Variants in RNF111 observed in about 807,000 individuals in gnomAD.
RNF111 encodes the protein E3 ubiquitin-protein ligase Arkadia.
RNF111 carries 17 observed loss-of-function variants against 95.1 expected under a neutral mutation model. The observed-to-expected ratio is 0.18, with a 90% CI of 0.12 to 0.27. The LOEUF is 0.27. Ranked by LOEUF, RNF111 falls within the 10% of genes least tolerant of loss-of-function variation. The pLI, the probability that RNF111 is intolerant of heterozygous loss-of-function variation, is 1.00. For missense variants in RNF111, 1,189 were observed against 1,210.4 expected (o/e 0.98, Z 0.26); for synonymous variants, 440 against 414.8 (o/e 1.06, Z -0.74).
chr15:59,044,337 ACT>A (rs748609211), intron 2 of RNF111, among the ~76,000 whole-genome samples: 62 of 152,038 alleles, frequency 4.1e-4, no homozygotes, highest in Non-Finnish European at 8.1e-4. Context: ...GGCCATGGAA[ACT>A]CTTCTTATTG....
chr15:59,089,845 G>C, intron 11 of RNF111, 86 bp downstream of exon 11: 1 of 858,436 alleles, frequency 1.2e-6, no homozygotes, highest in Non-Finnish European at 1.9e-6. Flanking sequence ...CAATTGTGTA[G>C]GACTGCTACA....
intron 1 of RNF111, among the ~76,000 whole-genome samples, chr15:59,018,719 T>C (rs2040189640): frequency 6.6e-6 from 1 of 152,224 alleles, no homozygotes; most frequent in Non-Finnish European, 1.5e-5. Flanking sequence ...AATAGCAGAC[T>C]TACTTGTAGT....
rs1330014562 is a variant in RNF111, at chr15:59,052,406, A to T, written c.982A>T (p.Ile328Phe). 1 of 1,588,950 alleles carries T rather than the reference A, an allele frequency of 6.3e-7. No homozygotes were observed. Among genetic ancestry groups the T allele is most frequent in the African/African-American group, 1.3e-5 (1 of 74,164 alleles). ...NVTSTDSEVE[I>F]VTVGESYRSR... Reference sequence around the variant, plus strand: ...TACCTCAACTGACAGTGAAGTGGAGATTGTAACAGTTGGAGAAAGCTATCG... The same window carrying T: ...TACCTCAACTGACAGTGAAGTGGAGTTTGTAACAGTTGGAGAAAGCTATCG... The change falls in exon 3 of 14, where the codon ATT becomes TTT. Residue 328 changes from isoleucine to phenylalanine, a missense_variant. Physicochemically the swap from Ile to Phe is conservative, Grantham distance 21. Coordinates refer to ENST00000348370, the MANE Select transcript of RNF111 (RefSeq NM_017610.8).
At chr15:59,075,826 G>C in intron 6 of RNF111, 128 bp from the exon 7 acceptor site, 1 of 1,000,996 alleles carries the variant, frequency 1.0e-6, no homozygotes, top group Admixed American at 2.7e-5. Context: ...TTCATACTAA[G>C]AATCTTCCTG....
intron 5 of RNF111, among the ~76,000 whole-genome samples, chr15:59,063,350 T>A (rs1298641633): frequency 1.3e-5 from 2 of 152,070 alleles, no homozygotes; most frequent in Admixed American, 6.6e-5. Context: ...ACGACTTTAT[T>A]ATGTGTAAGA....
intron 6 of RNF111, among the ~76,000 whole-genome samples, chr15:59,074,165 A>G (rs1392042558): frequency 6.6e-6 from 1 of 152,220 alleles, no homozygotes; most frequent in African/African-American, 2.4e-5. Context: ...AATAGAGCAC[A>G]GGCAGAATAG....
chr15:59,066,616 A>C, intron 5 of RNF111, 148 bp from the exon 6 acceptor site: 2 of 717,992 alleles, frequency 2.8e-6, no homozygotes, highest in Non-Finnish European at 2.2e-6. Context: ...TCTCAAAAAA[A>C]AAAGAACGTG....
intron 1 of RNF111, among the ~76,000 whole-genome samples, chr15:59,024,285 C>G (rs1453371809): frequency 6.6e-6 from 1 of 152,030 alleles, no homozygotes; most frequent in South Asian, 2.1e-4. Context: ...TTACTTCCTT[C>G]CTTTTACTCA....
At position 58,990,386 on chromosome 15, in the gene RNF111, G is replaced by T. The variant is rs193088018; in HGVS notation, c.-20+2318G>T. 3.5e-3 allele frequency among the ~76,000 whole-genome samples: 532 copies of T among 152,296 alleles called. 1 individual carries two copies. The highest frequency in any genetic ancestry group is 0.02 in the Middle Eastern group (6 of 294). ...CCTGTCATGAAGCTGTGGGCCAGGC[G>T]TGGTGGCTCACCCCTGTAATCCCAG... On this transcript the variant is annotated intron_variant, in intron 1 of 13. Coordinates refer to ENST00000348370, the MANE Select transcript of RNF111 (RefSeq NM_017610.8).
In RNF111 at chr15:59,049,362, ATTTTTTT is replaced by A. The variant is rs567223230; in HGVS notation, c.881-2925_881-2919del. On this transcript the variant is annotated intron_variant, in intron 2 of 13. Transcript: ENST00000348370. ...TTTATTTATAGTCCAGGTGTCTTTG[ATTTTTTT>A]TTTTTTTTTTTTTTTTTGGCCACCT... 4.5e-4 allele frequency: 32 copies of A among 70,748 alleles called. 1 individual carries two copies. Among genetic ancestry groups the A allele is most frequent in the South Asian group, 1.3e-3 (3 of 2,328 alleles). The allele number at this position is 70,748 out of a possible 1,614,324, so 4.4% of individuals were successfully genotyped here.
At position 59,096,068 on chromosome 15, in the gene RNF111, C is replaced by A. The variant is rs1283266983; in HGVS notation, c.*1168C>A. 1 of 398,536 alleles carries A rather than the reference C, an allele frequency of 2.5e-6. No individual in the cohort carries two copies. The highest frequency in any genetic ancestry group is 2.1e-5 in the African/African-American group (1 of 48,616). 24.7% of individuals were successfully genotyped at this position (398,536 alleles called of 1,614,324 possible). A position where few individuals can be genotyped will look rare whatever the true frequency, so the allele number is the denominator to read the frequency against. The stretch of plus-strand genomic sequence containing the variant: ...CTGTTGCTATGGTTATATACTCCCA[C>A]TTCATACATTACCAAGAGTCGATCA... On this transcript the variant is annotated 3_prime_UTR_variant, in exon 14 of 14. Transcript: ENST00000348370.
intron 6 of RNF111, among the ~76,000 whole-genome samples, chr15:59,073,172 C>T (rs1230898066): frequency 6.6e-6 from 1 of 151,974 alleles, no homozygotes; most frequent in African/African-American, 2.4e-5. Flanking sequence ...GACCTTGTCT[C>T]AAAAGTAAAT....
intron 6 of RNF111, among the ~76,000 whole-genome samples, chr15:59,073,491 A>T (rs796943155): frequency 7.2e-6 from 1 of 139,692 alleles, no homozygotes; most frequent in African/African-American, 2.8e-5. Flanking sequence ...CAAAAAAAAA[A>T]AAAATAAATA....
chr15:59,036,813 A>G (rs1191014394), intron 2 of RNF111, among the ~76,000 whole-genome samples: 1 of 152,086 alleles, frequency 6.6e-6, no homozygotes, highest in Non-Finnish European at 1.5e-5. Flanking sequence ...TCATCAGTTC[A>G]TTTGTGGTTC....
intron 3 of RNF111, among the ~76,000 whole-genome samples, chr15:59,054,173 G>A (rs2042110261): frequency 1.3e-5 from 2 of 152,198 alleles, no homozygotes; most frequent in South Asian, 4.2e-4. Flanking sequence ...TCCTGACCTT[G>A]TGATCCACCC....
At chr15:59,015,480 G>T (rs1351978235) in intron 1 of RNF111, among the ~76,000 whole-genome samples, 1 of 152,114 alleles carries the variant, frequency 6.6e-6, no homozygotes, top group Admixed American at 6.6e-5. Context: ...CCCCATCACT[G>T]TAAGAGCTTC....
intron 1 of RNF111, among the ~76,000 whole-genome samples, chr15:59,025,792 G>T (rs1203843293): frequency 6.6e-6 from 1 of 151,476 alleles, no homozygotes; most frequent in African/African-American, 2.4e-5. Context: ...GTGCAATGGC[G>T]CGATCTCGGC....
intron 1 of RNF111, among the ~76,000 whole-genome samples, chr15:58,993,755 A>G (rs2038922592): frequency 6.6e-6 from 1 of 152,092 alleles, no homozygotes. Flanking sequence ...GGTGGAAAGG[A>G]GAGTTTGGCA....
rs1189748185 is a variant in RNF111, at chr15:59,070,029, CTTTTTTTTTTTTTTT to C, written c.1686+2962_1686+2976del. The stretch of plus-strand genomic sequence containing the variant: ...CCCCCCAACCCCACCCCACCTCCTG[CTTTTTTTTTTTTTTT>C]TTTTTTTTTTTTTTTAGAGAGGATC... On this transcript the variant is annotated intron_variant, in intron 6 of 13. Transcript: ENST00000348370. Among the ~76,000 whole-genome samples, 43 of 22,688 alleles carry C rather than the reference CTTTTTTTTTTTTTTT, an allele frequency of 1.9e-3. 2 individuals are homozygous for C. The highest frequency in any genetic ancestry group is 9.4e-3 in the African/African-American group (40 of 4,276). 14.9% of individuals were successfully genotyped at this position (22,688 alleles called of 152,430 possible).
Sources: gnomAD v4.1 joint callset for allele counts (sites outside exome capture counted in the v4.1 genomes callset) on GRCh38, gnomAD v4.1.1 for gene constraint, MANE v1.5 for transcripts, NCBI Gene and HGNC (gene_info 2026-07-23, HGNC 2026-07-21) for gene names.